ERBB4: variants seen among roughly 807,000 people sequenced by gnomAD.
ERBB4 encodes the protein receptor tyrosine-protein kinase erbB-4.
In ERBB4, 42 loss-of-function variants were observed where a neutral mutation model predicts 158.0. That is an observed-to-expected ratio of 0.27 (90% CI 0.21 to 0.34). The LOEUF (loss-of-function observed/expected upper bound fraction) is 0.34. ERBB4 is among the 10% of genes least tolerant of loss of function. The probability of loss-of-function intolerance (pLI) is 1.00; values close to 1 mark genes in which losing one functional copy is unlikely to be tolerated. For missense variants in ERBB4, 1,333 were observed against 1,624.1 expected (o/e 0.82, Z 3.08); for synonymous variants, 583 against 558.7 (o/e 1.04, Z -0.61).
At chr2:211,985,438 T>C (rs889481237) in intron 2 of ERBB4, among the ~76,000 whole-genome samples, 6 of 152,198 alleles carry the variant, frequency 3.9e-5, no homozygotes, top group African/African-American at 1.4e-4. Context: ...GGAATATGCC[T>C]AAGATTGCTT....
At chr2:211,855,428 A>C (rs931499474) in intron 3 of ERBB4, among the ~76,000 whole-genome samples, 2 of 152,282 alleles carry the variant, frequency 1.3e-5, no homozygotes, top group East Asian at 3.9e-4. Context: ...TAATAAAAAT[A>C]TTCTCGTTTT....
At chr2:211,703,647 C>T (rs775971254) in intron 11 of ERBB4, among the ~76,000 whole-genome samples, 3 of 152,104 alleles carry the variant, frequency 2.0e-5, no homozygotes, top group Non-Finnish European at 2.9e-5. Flanking sequence ...TATTAACCAG[C>T]ACTACACGTA....
chr2:212,411,154 CATTA>C (rs1236807802), intron 1 of ERBB4, among the ~76,000 whole-genome samples: 1 of 151,948 alleles, frequency 6.6e-6, no homozygotes, highest in East Asian at 1.9e-4. Context: ...ACAAAAATAT[CATTA>C]TTTATATTTT....
At chr2:211,663,259 T>C (rs2071500835) in intron 15 of ERBB4, among the ~76,000 whole-genome samples, 1 of 152,226 alleles carries the variant, frequency 6.6e-6, no homozygotes, top group Non-Finnish European at 1.5e-5. Context: ...TGAGTGAATC[T>C]GGACAATATG....
chr2:211,779,759 G>A (rs2075988807), intron 4 of ERBB4: 2 of 152,144 alleles, frequency 1.3e-5, no homozygotes, highest in East Asian at 3.8e-4. Flanking sequence ...CCAGCCTAAA[G>A]GAAAACCTAA....
At chr2:212,506,749 A>G (rs934573852) in intron 1 of ERBB4, among the ~76,000 whole-genome samples, 1 of 152,200 alleles carries the variant, frequency 6.6e-6, no homozygotes, top group African/African-American at 2.4e-5. Flanking sequence ...GTTTAAGGAT[A>G]GAAGCTGGTT....
chr2:211,495,187 G>C (rs1464152318), intron 20 of ERBB4, among the ~76,000 whole-genome samples: 1 of 151,856 alleles, frequency 6.6e-6, no homozygotes, highest in Non-Finnish European at 1.5e-5. Flanking sequence ...TCTGTTCTTA[G>C]AGATAAAAAA....
intron 1 of ERBB4, among the ~76,000 whole-genome samples, chr2:212,462,188 C>T (rs1688612165): frequency 2.0e-5 from 3 of 152,220 alleles, no homozygotes; most frequent in Non-Finnish European, 4.4e-5. Context: ...CACTTCAAGA[C>T]ATTGGTCTGG....
At chr2:211,423,757 T>C (rs1269366588) in intron 23 of ERBB4, among the ~76,000 whole-genome samples, 1 of 151,984 alleles carries the variant, frequency 6.6e-6, no homozygotes, top group Non-Finnish European at 1.5e-5. Flanking sequence ...CAAGCTTTTT[T>C]CCTTCATGTT....
chr2:211,777,916 CACTT>C lies in ERBB4; in HGVS notation c.556+10105_556+10108del, dbSNP rs1236684309. ...TTCAAAGCCCTTAGTAAGTAAATGA[CACTT>C]AATTTCTGTAACAGACCTAAGGGCT... On this transcript the variant is annotated intron_variant, in intron 4 of 27. Transcript: ENST00000342788. 11 of 152,306 alleles carry C rather than the reference CACTT, an allele frequency of 7.2e-5. No individual in the cohort carries two copies. The South Asian group carries it at 2.3e-3, about 32-fold the overall frequency. 9.4% of individuals were successfully genotyped at this position (152,306 alleles called of 1,614,324 possible). A position where few individuals can be genotyped will look rare whatever the true frequency, so the allele number is the denominator to read the frequency against.
chr2:211,748,415 A>G (rs1452482932), intron 5 of ERBB4, among the ~76,000 whole-genome samples: 1 of 152,242 alleles, frequency 6.6e-6, no homozygotes, highest in Non-Finnish European at 1.5e-5. Flanking sequence ...CAACCAAAGG[A>G]GAAATCTGAA....
chr2:212,100,948 T>G (rs930910163), intron 2 of ERBB4, among the ~76,000 whole-genome samples: 1 of 152,158 alleles, frequency 6.6e-6, no homozygotes, highest in African/African-American at 2.4e-5. Flanking sequence ...TAGATAAATG[T>G]GTATTGCTAA....
intron 3 of ERBB4, among the ~76,000 whole-genome samples, chr2:211,830,914 T>G (rs994006542): frequency 1.3e-5 from 2 of 152,070 alleles, no homozygotes; most frequent in Admixed American, 1.3e-4. Context: ...ACATAAGGCA[T>G]GAGAATCTAA....
At chr2:211,449,928 T>C (rs1047900832) in intron 20 of ERBB4, among the ~76,000 whole-genome samples, 1 of 152,212 alleles carries the variant, frequency 6.6e-6, no homozygotes, top group African/African-American at 2.4e-5. Context: ...CAATAACTTA[T>C]ATAATGAACA....
At chr2:211,892,982 T>C (rs1484792039) in intron 3 of ERBB4, among the ~76,000 whole-genome samples, 1 of 147,450 alleles carries the variant, frequency 6.8e-6, no homozygotes, top group Non-Finnish European at 1.5e-5. Context: ...ATGGCCATAC[T>C]GCCCAAGGTA....
intron 20 of ERBB4, among the ~76,000 whole-genome samples, chr2:211,514,116 T>G (rs2065962770): frequency 6.6e-6 from 1 of 151,810 alleles, no homozygotes; most frequent in Non-Finnish European, 1.5e-5. Context: ...AGCAAATCTC[T>G]CTTCATACCC....
chr2:212,310,791 C>T (rs1279498891), intron 1 of ERBB4, among the ~76,000 whole-genome samples: 1 of 150,396 alleles, frequency 6.6e-6, no homozygotes, highest in Admixed American at 6.7e-5. Flanking sequence ...CATGAGCTAT[C>T]CAGTTCATAC....
chr2:211,481,470 G>A (rs1000651545), intron 20 of ERBB4, among the ~76,000 whole-genome samples: 3 of 151,492 alleles, frequency 2.0e-5, no homozygotes, highest in Non-Finnish European at 4.4e-5. Flanking sequence ...AGAAACTGAA[G>A]TTCAGGGAGC....
intron 1 of ERBB4, among the ~76,000 whole-genome samples, chr2:212,456,336 C>A (rs1688286680): frequency 1.3e-5 from 2 of 151,976 alleles, no homozygotes; most frequent in South Asian, 4.1e-4. Context: ...GTATTTCAGT[C>A]ATCAGAAAAT....
Sources: allele counts gnomAD v4.1 joint callset (sites outside exome capture counted in the v4.1 genomes callset), GRCh38; gene constraint gnomAD v4.1.1; transcripts MANE v1.5; gene names NCBI Gene and HGNC (gene_info 2026-07-23, HGNC 2026-07-21).